The following PRELID2 variants were observed in gnomAD, a reference collection of about 807,000 sequenced individuals.
PRELID2 encodes the protein PRELI domain containing 2.
PRELID2 carries 25 observed loss-of-function variants against 28.4 expected under a neutral mutation model. The observed-to-expected ratio is 0.88, with a 90% confidence interval of 0.64 to 1.23. PRELID2 has a LOEUF of 1.23. Ranked by LOEUF, PRELID2 falls within the 50% of genes most tolerant of loss-of-function variation. The pLI is 0.00. For missense variants in PRELID2, 201 were observed against 214.4 expected (o/e 0.94, Z 0.39); for synonymous variants, 76 against 71.6 (o/e 1.06, Z -0.31).
chr5:145,255,476 G>A, the PRELID2 span, among the ~76,000 whole-genome samples: 11 of 152,034 alleles, frequency 7.2e-5, no homozygotes, highest in Admixed American at 2.0e-4. Flanking sequence ...CTGGAATACA[G>A]TGAAAAGAAA....
chr5:145,778,423 G>A (rs1273356639), intron 5 of PRELID2, among the ~76,000 whole-genome samples: 1 of 152,210 alleles, frequency 6.6e-6, no homozygotes, highest in Non-Finnish European at 1.5e-5. Context: ...CACACTGTGA[G>A]TTCCCTCTGA....
chr5:145,653,711 G>A (rs1471864026), intron 1 of PRELID2, among the ~76,000 whole-genome samples: 1 of 152,170 alleles, frequency 6.6e-6, no homozygotes, highest in Non-Finnish European at 1.5e-5. Context: ...CAAGAACAAA[G>A]ACACAACATA....
chr5:145,620,729 C>T (rs115265814), intron 1 of PRELID2, among the ~76,000 whole-genome samples: 3,633 of 133,026 alleles, frequency 0.027, 69 homozygotes, highest in Non-Finnish European at 0.039. Flanking sequence ...GTCCCAGCTA[C>T]GTGGGTGGCT....
intron 1 of PRELID2, among the ~76,000 whole-genome samples, chr5:145,643,682 G>A (rs754818314): frequency 6.6e-6 from 1 of 152,028 alleles, no homozygotes; most frequent in Non-Finnish European, 1.5e-5. Flanking sequence ...TTTGAGATAT[G>A]TTCCATCAAT....
the PRELID2 span, among the ~76,000 whole-genome samples, chr5:145,267,908 C>T: frequency 1.1e-4 from 17 of 152,144 alleles, no homozygotes; most frequent in Middle Eastern, 3.4e-3. Flanking sequence ...TGATCAGTGA[C>T]GTTAAGCACA....
At chr5:145,516,451 G>C (rs2126645177) in intron 1 of PRELID2, among the ~76,000 whole-genome samples, 1 of 152,202 alleles carries the variant, frequency 6.6e-6, no homozygotes, top group South Asian at 2.1e-4. Context: ...GACCTCTTCA[G>C]AGAGAACTAC....
At chr5:145,256,266 G>A in the PRELID2 span, among the ~76,000 whole-genome samples, 16 of 152,000 alleles carry the variant, frequency 1.1e-4, no homozygotes, top group South Asian at 3.1e-3. Context: ...CAGTAACACT[G>A]ACTCTTCTGC....
the PRELID2 span, chr5:145,381,749 G>C: frequency 6.6e-6 from 1 of 152,126 alleles, no homozygotes; most frequent in Non-Finnish European, 1.5e-5. Context: ...TCTTATAAAA[G>C]TAAGATAAGA....
chr5:145,831,764 TG>T (rs1358064425), intron 1 of PRELID2, among the ~76,000 whole-genome samples: 4 of 152,176 alleles, frequency 2.6e-5, no homozygotes, highest in Non-Finnish European at 5.9e-5. Context: ...TTCCCAGTTC[TG>T]ACATCCCCAG....
chr5:145,296,357 A>C, the PRELID2 span, among the ~76,000 whole-genome samples: 6 of 96,024 alleles, frequency 6.2e-5, no homozygotes, highest in South Asian at 4.4e-4. Context: ...CCACCCCACA[A>C]CAGTCCCCAG....
At chr5:145,777,131 C>G (rs1456694254) in intron 5 of PRELID2, among the ~76,000 whole-genome samples, 2 of 152,164 alleles carry the variant, frequency 1.3e-5, no homozygotes, top group South Asian at 2.1e-4. Flanking sequence ...AATTCAGGTT[C>G]TCTAGAAAAT....
At chr5:145,346,677 A>T in the PRELID2 span, among the ~76,000 whole-genome samples, 1 of 152,150 alleles carries the variant, frequency 6.6e-6, no homozygotes, top group African/African-American at 2.4e-5. Context: ...TAAATTATTG[A>T]CAAAACCATC....
chr5:145,535,823 T>G (rs1262465691), intron 1 of PRELID2, among the ~76,000 whole-genome samples: 1 of 152,072 alleles, frequency 6.6e-6, no homozygotes, highest in East Asian at 1.9e-4. Context: ...CTTTTTCACT[T>G]CTTCCTTTAG....
At chr5:145,271,450 A>G in the PRELID2 span, among the ~76,000 whole-genome samples, 314 of 152,220 alleles carry the variant, frequency 2.1e-3, 9 homozygotes, top group East Asian at 0.052. Flanking sequence ...TCCTAGGCTC[A>G]AGTGATCCTC....
At chr5:145,821,963 A>G (rs1307337133) in intron 2 of PRELID2, among the ~76,000 whole-genome samples, 2 of 152,234 alleles carry the variant, frequency 1.3e-5, no homozygotes, top group African/African-American at 2.4e-5. Context: ...ATGACAAATA[A>G]TAAGTTTCTC....
At chr5:145,654,984 G>C (rs1754368418) in intron 1 of PRELID2, among the ~76,000 whole-genome samples, 2 of 151,996 alleles carry the variant, frequency 1.3e-5, no homozygotes, top group South Asian at 4.2e-4. Context: ...TGACATGACT[G>C]TATATGTAGA....
the PRELID2 span, among the ~76,000 whole-genome samples, chr5:145,404,520 A>G: frequency 2.6e-5 from 4 of 152,262 alleles, no homozygotes; most frequent in Non-Finnish European, 5.9e-5. Flanking sequence ...CTCAAGGAGC[A>G]CACAGAGTAG....
rs369243671 is a variant in PRELID2 at position 145,657,499 on chromosome 5, C to T, written n.70+107432G>A. Among the ~76,000 whole-genome samples, 18 of 152,216 alleles carry T rather than the reference C, an allele frequency of 1.2e-4. No homozygotes were observed. In the South Asian group the frequency reaches 3.7e-3, roughly 32 times the overall value. ...AGGAGTTCGAGACCAACCTGGCTAA[C>T]ATGGAAAAAGCCTGTCTTCACTTAA... On this transcript the variant is annotated intron_variant and non_coding_transcript_variant, in intron 1 of 2. Transcript: ENST00000510259.
the PRELID2 span, chr5:145,338,472 A>C: frequency 2.0e-5 from 3 of 152,124 alleles, no homozygotes; most frequent in African/African-American, 7.2e-5. Context: ...TATATAACCT[A>C]TTGGTTTTTA....
Sources: gnomAD v4.1 joint callset for allele counts (sites outside exome capture counted in the v4.1 genomes callset) on GRCh38, gnomAD v4.1.1 for gene constraint, MANE v1.5 for transcripts, NCBI Gene and HGNC (gene_info 2026-07-23, HGNC 2026-07-21) for gene names.